STS: variants seen among roughly 807,000 people sequenced by gnomAD.
The protein encoded by STS is steryl-sulfatase.
In STS, 7 loss-of-function variants were observed where a neutral mutation model predicts 26.8. The observed-to-expected ratio is 0.26, with a 90% CI of 0.15 to 0.49. STS has a LOEUF of 0.49. STS is among the 20% of genes least tolerant of loss of function. The pLI is 0.98. For missense variants in STS, 434 were observed against 465.6 expected (o/e 0.93, Z 0.63); for synonymous variants, 199 against 189.4 (o/e 1.05, Z -0.42).
chrX:7,293,152 T>C (rs1165089576), intron 7 of STS, among the ~76,000 whole-genome samples: 1 of 112,121 alleles, frequency 8.9e-6, no homozygotes, highest in Non-Finnish European at 1.9e-5. Context: ...TCAGTTGCCA[T>C]CTCTACTTCC....
At chrX:7,226,773 A>G (rs1387496740) in intron 2 of STS, among the ~76,000 whole-genome samples, 1 of 83,780 alleles carries the variant, frequency 1.2e-5, no homozygotes, top group Non-Finnish European at 2.3e-5. Context: ...ATTTGCCTCT[A>G]GTCCTAACTA....
intron 8 of STS, among the ~76,000 whole-genome samples, chrX:7,323,295 G>T (rs1161027303): frequency 9.1e-6 from 1 of 109,853 alleles, no homozygotes; most frequent in Non-Finnish European, 1.9e-5. Context: ...ATTGCATTAT[G>T]CTGAGGTTTG....
intron 8 of STS, among the ~76,000 whole-genome samples, chrX:7,321,258 T>G (rs1176330799): frequency 9.0e-6 from 1 of 110,796 alleles, no homozygotes; most frequent in Admixed American, 9.7e-5. Flanking sequence ...AACAACAGAC[T>G]CTGGGGCCTA....
chrX:7,213,435 G>C lies in STS; in HGVS notation c.-5+22427G>C, dbSNP rs1195304614. 4.4e-4 allele frequency among the ~76,000 whole-genome samples: 49 copies of C among 111,059 alleles called. No homozygotes were observed. In the Admixed American group the frequency reaches 4.7e-3, roughly 11 times the overall value. ...GCTGTCTCTGAGCTAATAGGCGAGA[G>C]TTGTAAAGGGGACCATCTTTCGGTG... On this transcript the variant is annotated intron_variant, in intron 2 of 10. Transcript: ENST00000674429.
intron 6 of STS, among the ~76,000 whole-genome samples, chrX:7,272,130 AC>A (rs1192365382): frequency 1.8e-5 from 2 of 109,467 alleles, no homozygotes; most frequent in Non-Finnish European, 3.8e-5. Flanking sequence ...AGTATTTGTG[AC>A]ACCCAGTCCA....
chrX:7,255,094 C>T (rs1453688081), intron 3 of STS, among the ~76,000 whole-genome samples: 1 of 112,397 alleles, frequency 8.9e-6, no homozygotes, highest in Non-Finnish European at 1.9e-5. Flanking sequence ...ATCTTTCCCA[C>T]AAGACATAGC....
At chrX:7,181,914 A>G (rs898369734) in intron 1 of STS, among the ~76,000 whole-genome samples, 1 of 111,053 alleles carries the variant, frequency 9.0e-6, no homozygotes, top group Admixed American at 9.6e-5. Flanking sequence ...GATGAAACAA[A>G]CAAACAAAAA....
intron 2 of STS, chrX:7,252,240 A>G: frequency 1.4e-6 from 1 of 739,093 alleles, no homozygotes; most frequent in Non-Finnish European, 1.6e-6. Context: ...TGGTTCTGGA[A>G]GTATTTGAGA....
At chrX:7,317,689 C>G (rs755495180) in intron 8 of STS, among the ~76,000 whole-genome samples, 5 of 111,101 alleles carry the variant, frequency 4.5e-5, no homozygotes, top group African/African-American at 9.8e-5. Context: ...AGCCTGGTCT[C>G]AAACCCCGAC....
chrX:7,327,395 T>G (rs1927531725), intron 9 of STS, among the ~76,000 whole-genome samples: 1 of 107,338 alleles, frequency 9.3e-6, no homozygotes, highest in Non-Finnish European at 1.9e-5. Flanking sequence ...TTTCTTTTTT[T>G]TTTTTGAGAT....
rs1200112223 is a variant in STS, at chrX:7,350,165, CT to C, written c.1644del (p.Leu549PhefsTer28). 1 of 1,211,892 alleles carries C rather than the reference CT, an allele frequency of 8.3e-7. No homozygotes were observed. On this transcript the variant is annotated frameshift_variant, in exon 11 of 11. Transcript: ENST00000674429. LOFTEE classifies it low-confidence loss of function (END_TRUNC). ...EVPDQFSWNN[F>X]LWKPWLQLCC... ...TGCCCGATCAGTTTTCATGGAACAA[CT>C]TTCTTTGGAAGCCCTGGCTTCAGCT... is the stretch of plus-strand genomic sequence containing the variant.
At chrX:7,280,074 A>T (rs1405950379) in intron 7 of STS, among the ~76,000 whole-genome samples, 4 of 111,908 alleles carry the variant, frequency 3.6e-5, no homozygotes, top group Non-Finnish European at 7.5e-5. Flanking sequence ...AGCGTGCATC[A>T]TGTCAGTGCA....
intron 2 of STS, among the ~76,000 whole-genome samples, chrX:7,209,173 T>G (rs369497206): frequency 9.0e-6 from 1 of 111,150 alleles, no homozygotes; most frequent in Non-Finnish European, 1.9e-5. Context: ...TTCTTTCTGT[T>G]TTGGGACTGG....
chrX:7,186,069 A>G (rs1380519095), intron 1 of STS, among the ~76,000 whole-genome samples: 1 of 112,337 alleles, frequency 8.9e-6, no homozygotes, highest in Non-Finnish European at 1.9e-5. Flanking sequence ...CGTAAAAGCC[A>G]CAAGAGCCAA....
At chrX:7,153,502 TCTC>T (rs1381106930) in intron 1 of STS, among the ~76,000 whole-genome samples, 1 of 79,973 alleles carries the variant, frequency 1.3e-5, no homozygotes, top group Non-Finnish European at 2.4e-5. Context: ...TTCCTGTTCT[TCTC>T]CTCCACTCTC....
chrX:7,263,235 A>G, intron 6 of STS, among the ~76,000 whole-genome samples: 2 of 110,430 alleles, frequency 1.8e-5, no homozygotes, highest in Non-Finnish European at 3.8e-5. Flanking sequence ...CGCCCAGCTA[A>G]TTTTTGTATT....
intron 2 of STS, among the ~76,000 whole-genome samples, chrX:7,213,840 G>A (rs1921129525): frequency 1.8e-5 from 2 of 110,819 alleles, no homozygotes; most frequent in Admixed American, 1.9e-4. Context: ...ATGGTACTTT[G>A]GGAGGTCAGG....
At chrX:7,338,943 A>C (rs1429570566) in intron 10 of STS, among the ~76,000 whole-genome samples, 1 of 111,977 alleles carries the variant, frequency 8.9e-6, no homozygotes, top group African/African-American at 3.2e-5. Flanking sequence ...ATTCATTCCA[A>C]AGGAATGTGT....
chrX:7,258,166 G>GAGAT (rs201734786), intron 5 of STS, among the ~76,000 whole-genome samples: 113 of 105,839 alleles, frequency 1.1e-3, no homozygotes, highest in African/African-American at 3.0e-3. Context: ...GGACAAAGAT[G>GAGAT]AGATAGATAG....
Sources: gnomAD v4.1 joint callset for allele counts (sites outside exome capture counted in the v4.1 genomes callset) on GRCh38, gnomAD v4.1.1 for gene constraint, MANE v1.5 for transcripts, NCBI Gene and HGNC (gene_info 2026-07-23, HGNC 2026-07-21) for gene names.